Variants in ADGRV1 observed in about 807,000 individuals in gnomAD.
ADGRV1 encodes the protein G-protein coupled receptor 98.
Under a neutral mutation model 596.2 loss-of-function variants are expected in ADGRV1, and 359 were observed. The observed-to-expected ratio is 0.60, with a 90% CI of 0.55 to 0.66. ADGRV1 has a LOEUF of 0.66. ADGRV1 is among the 30% of genes least tolerant of loss of function. The pLI is 0.00. For synonymous variants in ADGRV1, 2,681 were observed against 2,679.2 expected (o/e 1.00, Z -0.02); for missense variants, 7,274 against 7,575.6 (o/e 0.96, Z 1.48).
chr5:90,681,634 G>C (rs571937422), intron 27 of ADGRV1, among the ~76,000 whole-genome samples, 180 bp downstream of exon 27: 16 of 152,058 alleles, frequency 1.1e-4, no homozygotes, highest in Non-Finnish European at 7.4e-5. Context: ...TTTGTCTTTA[G>C]TATTGCACAT....
intron 45 of ADGRV1, among the ~76,000 whole-genome samples, chr5:90,722,019 A>G (rs1751108537): frequency 6.6e-6 from 1 of 152,352 alleles, no homozygotes; most frequent in South Asian, 2.1e-4. Flanking sequence ...GCCAGTCTTT[A>G]TAATAGTGTT....
intron 85 of ADGRV1, among the ~76,000 whole-genome samples, chr5:91,064,121 G>A (rs1419857078): frequency 6.6e-6 from 1 of 152,068 alleles, no homozygotes; most frequent in Admixed American, 6.6e-5. Flanking sequence ...TAAGTGAGAG[G>A]TTTTCAAAAA....
Position 90,961,787 on chromosome 5 carries a change from A to G in ADGRV1, c.17857-3628A>G, listed in dbSNP as rs149224278. On this transcript the variant is annotated intron_variant, in intron 83 of 89. Transcript: ENST00000405460. ...AGCAGAGAATTTTATAAGTCATTTTAAAAAGAATATCTCAAATACTTTTTG... is the reference window on the plus strand; with the variant it reads ...AGCAGAGAATTTTATAAGTCATTTTGAAAAGAATATCTCAAATACTTTTTG... Among the ~76,000 whole-genome samples the G allele has an allele frequency of 2.9e-3, 436 of 152,296 alleles. 1 individual carries two copies. The highest frequency in any genetic ancestry group is 0.01 in the African/African-American group (422 of 41,586).
intron 83 of ADGRV1, among the ~76,000 whole-genome samples, chr5:90,937,518 C>T (rs898299405): frequency 4.9e-5 from 7 of 141,918 alleles, no homozygotes; most frequent in South Asian, 2.2e-4. Flanking sequence ...AGTGCAGTGG[C>T]GTGATCGCGG....
At chr5:91,006,190 T>G (rs549433134) in intron 85 of ADGRV1, among the ~76,000 whole-genome samples, 1 of 152,278 alleles carries the variant, frequency 6.6e-6, no homozygotes, top group African/African-American at 2.4e-5. Flanking sequence ...TAAAATGCCA[T>G]TTTTATACTA....
At chr5:90,571,729 C>A (rs1756550764) in intron 1 of ADGRV1, among the ~76,000 whole-genome samples, 1 of 152,020 alleles carries the variant, frequency 6.6e-6, no homozygotes. Context: ...GCTTTCCTAC[C>A]CCATTCTGTT....
chr5:91,111,881 A>G (rs769842697), intron 87 of ADGRV1, among the ~76,000 whole-genome samples: 4 of 152,196 alleles, frequency 2.6e-5, no homozygotes, highest in Non-Finnish European at 4.4e-5. Context: ...TGCCTCATGC[A>G]CCTTTCAAAA....
intron 70 of ADGRV1, among the ~76,000 whole-genome samples, chr5:90,795,636 T>C (rs1022442095): frequency 1.3e-5 from 2 of 152,088 alleles, no homozygotes; most frequent in African/African-American, 4.8e-5. Context: ...CAGCACAGCG[T>C]TCAAGCTCTA....
At chr5:90,660,404 C>T (rs1770091057) in intron 21 of ADGRV1, among the ~76,000 whole-genome samples, 1 of 152,162 alleles carries the variant, frequency 6.6e-6, no homozygotes, top group South Asian at 2.1e-4. Context: ...CTGGTTTAGT[C>T]TGTGCTTGTA....
At chr5:90,576,678 G>A (rs1482867871) in intron 1 of ADGRV1, among the ~76,000 whole-genome samples, 2 of 152,172 alleles carry the variant, frequency 1.3e-5, no homozygotes, top group Non-Finnish European at 2.9e-5. Flanking sequence ...AGATGCTTGA[G>A]GAATCGCCAC....
intron 74 of ADGRV1, among the ~76,000 whole-genome samples, chr5:90,815,016 C>T (rs753345819): frequency 3.3e-5 from 5 of 151,562 alleles, no homozygotes; most frequent in Admixed American, 1.3e-4. Context: ...TAATGGTACC[C>T]GTAACCTCAA....
intron 83 of ADGRV1, among the ~76,000 whole-genome samples, chr5:90,949,261 A>G (rs1471900302): frequency 6.6e-6 from 1 of 152,146 alleles, no homozygotes; most frequent in Non-Finnish European, 1.5e-5. Context: ...GAAAAGTTCT[A>G]TACCATGATC....
intron 16 of ADGRV1, among the ~76,000 whole-genome samples, chr5:90,647,063 C>T (rs1466556380): frequency 3.3e-5 from 5 of 152,120 alleles, no homozygotes; most frequent in Admixed American, 6.5e-5. Flanking sequence ...TGAGCCACTG[C>T]GCCCAGCCTG....
Position 90,710,986 on chromosome 5 carries a change from G to C in ADGRV1, c.8830G>C (p.Glu2944Gln). 6.3e-7 allele frequency: 1 copy of C among 1,597,790 alleles called. No homozygotes were observed. The highest frequency in any genetic ancestry group is 8.6e-7 in the Non-Finnish European group (1 of 1,167,448). ...STSFPPRLDS[E>Q]GLTAQVIIDA... ...ATGCTTCTATGTTTTTTAAGATTCA[G>C]AAGGTTTGACTGCACAAGTTATTAT... The change falls in exon 40 of 90, where the codon GAA becomes CAA. Residue 2944 changes from glutamate to glutamine, a missense_variant. Coordinates refer to ENST00000405460, the MANE Select transcript of ADGRV1 (RefSeq NM_032119.4).
At chr5:90,594,738 T>C (rs28429067) in intron 1 of ADGRV1, among the ~76,000 whole-genome samples, 8,298 of 146,870 alleles carry the variant, frequency 0.056, 305 homozygotes, top group Non-Finnish European at 0.076. Context: ...CATCTTGCAC[T>C]GCCCTTAATC....
chr5:90,612,469 T>G (rs1157140670), intron 1 of ADGRV1, among the ~76,000 whole-genome samples: 2 of 152,024 alleles, frequency 1.3e-5, no homozygotes, highest in South Asian at 4.1e-4. Flanking sequence ...GGTTATTGGG[T>G]AGAGAGTTTG....
chr5:90,781,678 G>A, intron 65 of ADGRV1, 100 bp downstream of exon 65: 1 of 1,074,300 alleles, frequency 9.3e-7, no homozygotes, highest in Non-Finnish European at 1.3e-6. Context: ...TGGTGTGGGT[G>A]TGTGTGTTTG....
chr5:91,105,370 G>A lies in ADGRV1; in HGVS notation c.18432+3030G>A, dbSNP rs1791764904. ...TAAATGCTCAGTAGTGGGATGGCTG[G>A]ATCATATGTAGTTCTATTGGCAATT... is the stretch of plus-strand genomic sequence containing the variant. On this transcript the variant is annotated intron_variant, in intron 87 of 89. Coordinates refer to ENST00000405460, the MANE Select transcript of ADGRV1 (RefSeq NM_032119.4). Among the ~76,000 whole-genome samples, 4 of 152,138 alleles carry A rather than the reference G, an allele frequency of 2.6e-5. No homozygotes were observed. The South Asian group carries it at 8.3e-4, about 32-fold the overall frequency.
intron 77 of ADGRV1, among the ~76,000 whole-genome samples, chr5:90,832,731 A>C (rs989385773): frequency 2.0e-4 from 31 of 152,146 alleles, no homozygotes; most frequent in African/African-American, 7.2e-4. Flanking sequence ...TGAGATCTTA[A>C]ATTTAAGTCT....
Sources: allele counts gnomAD v4.1 joint callset (sites outside exome capture counted in the v4.1 genomes callset), GRCh38; gene constraint gnomAD v4.1.1; transcripts MANE v1.5; gene names NCBI Gene and HGNC (gene_info 2026-07-23, HGNC 2026-07-21).